Variants in BCAR3 observed in about 807,000 individuals in gnomAD.
BCAR3 encodes BCAR3 adaptor protein, NSP family member, also known as breast cancer anti-estrogen resistance protein 3.
In BCAR3, 37 loss-of-function variants were observed where a neutral mutation model predicts 80.1. That is an observed-to-expected ratio of 0.46 (90% confidence interval 0.36 to 0.61). The LOEUF (loss-of-function observed/expected upper bound fraction) is 0.61, where lower values mean the gene tolerates loss of function less well. Among genes scored for constraint, BCAR3 ranks in the 20% least tolerant of loss-of-function variants. The probability of loss-of-function intolerance (pLI) is 0.00; values close to 1 mark genes in which losing one functional copy is unlikely to be tolerated. For synonymous variants in BCAR3, 389 were observed against 418.9 expected (o/e 0.93, Z 0.87); for missense variants, 978 against 1,068.2 (o/e 0.92, Z 1.18).
At chr1:93,781,617 G>A (rs1557686571) in intron 2 of BCAR3, among the ~76,000 whole-genome samples, 1 of 152,140 alleles carries the variant, frequency 6.6e-6, no homozygotes, top group South Asian at 2.1e-4. Context: ...ACCTGCCTGA[G>A]GTCGCACAAC....
chr1:93,825,132 G>C (rs1319903291), intron 2 of BCAR3, among the ~76,000 whole-genome samples: 1 of 134,158 alleles, frequency 7.5e-6, no homozygotes, highest in Non-Finnish European at 1.7e-5. Context: ...CCAAGGTCAA[G>C]TTCAGGAGGC....
intron 2 of BCAR3, among the ~76,000 whole-genome samples, chr1:93,836,225 A>G (rs765842945): frequency 2.9e-4 from 44 of 152,122 alleles, no homozygotes; most frequent in Non-Finnish European, 4.9e-4. Context: ...CCCCAGTCTC[A>G]TTTCAGACAT....
At chr1:93,569,623 G>A (rs746211959) in intron 9 of BCAR3, among the ~76,000 whole-genome samples, 21 of 152,228 alleles carry the variant, frequency 1.4e-4, no homozygotes, top group Non-Finnish European at 2.2e-4. Flanking sequence ...ATGGTGACAC[G>A]CAAAGTAATG....
At chr1:93,583,739 G>C (rs1673822776) in intron 6 of BCAR3, among the ~76,000 whole-genome samples, 1 of 152,110 alleles carries the variant, frequency 6.6e-6, no homozygotes, top group Admixed American at 6.5e-5. Flanking sequence ...GGTGATTCTG[G>C]ACAAGTTACT....
chr1:93,749,948 T>C (rs1557675382), intron 2 of BCAR3, among the ~76,000 whole-genome samples: 1 of 151,786 alleles, frequency 6.6e-6, no homozygotes, highest in Non-Finnish European at 1.5e-5. Flanking sequence ...TAAAGATATA[T>C]GATAAATGGG....
chr1:93,782,039 G>A (rs1436666657), intron 2 of BCAR3, among the ~76,000 whole-genome samples: 1 of 152,206 alleles, frequency 6.6e-6, no homozygotes, highest in Non-Finnish European at 1.5e-5. Flanking sequence ...TCAATGTGAA[G>A]TCTAAAGGAT....
intron 2 of BCAR3, among the ~76,000 whole-genome samples, chr1:93,772,068 A>G (rs969831407): frequency 1.3e-5 from 2 of 152,196 alleles, no homozygotes; most frequent in African/African-American, 4.8e-5. Flanking sequence ...CAAGTGAAAT[A>G]TGATTTGTTC....
intron 2 of BCAR3, among the ~76,000 whole-genome samples, chr1:93,663,342 C>G (rs1158047763): frequency 6.6e-6 from 1 of 152,168 alleles, no homozygotes; most frequent in Non-Finnish European, 1.5e-5. Context: ...GTTGCATGAC[C>G]CGACCTTCCC....
chr1:93,739,328 T>C (rs1352144792), intron 2 of BCAR3, among the ~76,000 whole-genome samples: 1 of 152,120 alleles, frequency 6.6e-6, no homozygotes, highest in African/African-American at 2.4e-5. Flanking sequence ...AAGTAGTGAT[T>C]AGAATCAGTT....
At position 93,582,454 on chromosome 1, in the gene BCAR3, A is replaced by G. The variant is rs1399041553; in HGVS notation, c.1533T>C (p.Thr511=). ...ACTCGTTGGGCCTGAAGGAGGAGAC[A>G]GTCTCCAGGAGGGGCGTCACAAACT... ...KGEFVTPLLE[T]VSSFRPNEFE... Residue 511 remains threonine, a synonymous_variant, in exon 7 of 12, where the codon ACT becomes ACC. Coordinates refer to ENST00000260502, the MANE Select transcript of BCAR3 (RefSeq NM_003567.4). The G allele has an allele frequency of 1.2e-6, 2 of 1,614,198 alleles. No homozygotes were observed. Among genetic ancestry groups the G allele is most frequent in the South Asian group, 1.1e-5 (1 of 91,088 alleles).
intron 2 of BCAR3, among the ~76,000 whole-genome samples, chr1:93,754,843 C>T (rs928210460): frequency 1.3e-5 from 2 of 152,064 alleles, no homozygotes; most frequent in Non-Finnish European, 2.9e-5. Flanking sequence ...GAGTGTACCC[C>T]TACTAAAAAA....
intron 3 of BCAR3, among the ~76,000 whole-genome samples, chr1:93,700,420 G>A (rs185626447): frequency 8.7e-4 from 133 of 152,272 alleles, no homozygotes; most frequent in Non-Finnish European, 1.1e-3. Flanking sequence ...GCCTGCCTCA[G>A]CCTTTCAAAG....
chr1:93,574,724 G>A (rs1238395769), intron 8 of BCAR3, among the ~76,000 whole-genome samples: 3 of 152,202 alleles, frequency 2.0e-5, no homozygotes, highest in South Asian at 4.1e-4. Flanking sequence ...TAGTGGAGCC[G>A]GGAGGTCAGG....
intron 3 of BCAR3, among the ~76,000 whole-genome samples, chr1:93,623,201 G>A (rs949128344): frequency 7.2e-5 from 11 of 151,776 alleles, no homozygotes; most frequent in East Asian, 1.9e-4. Flanking sequence ...CTTTTTTTTC[G>A]CAAAACTTAG....
intron 5 of BCAR3, 106 bp from the exon 6 acceptor site, chr1:93,584,227 C>A: frequency 1.0e-6 from 1 of 978,520 alleles, no homozygotes; most frequent in Non-Finnish European, 1.5e-6. Flanking sequence ...AAGAAAACTG[C>A]TCAGAACGAG....
At chr1:93,835,875 G>A (rs533522257) in intron 2 of BCAR3, among the ~76,000 whole-genome samples, 178 of 152,274 alleles carry the variant, frequency 1.2e-3, no homozygotes, top group Non-Finnish European at 1.7e-3. Context: ...GAAGGCCACC[G>A]CGGTCATTTC....
At chr1:93,686,786 G>A (rs376223512), upstream of BCAR3, among the ~76,000 whole-genome samples, 113 of 152,258 alleles carry the variant, frequency 7.4e-4, 1 homozygote, top group African/African-American at 2.6e-3. Flanking sequence ...TTTTAGAAAC[G>A]CTGAGCATTT....
At chr1:93,749,354 CGAGGTGGGCGGATCAT>C (rs1195266264) in intron 2 of BCAR3, among the ~76,000 whole-genome samples, 2 of 151,830 alleles carry the variant, frequency 1.3e-5, no homozygotes, top group Non-Finnish European at 2.9e-5. Flanking sequence ...TTTGGGAGGC[CGAGGTGGGCGGATCAT>C]GAGGTCACGA....
chr1:93,766,170 C>T (rs17110408), intron 2 of BCAR3, among the ~76,000 whole-genome samples: 27,272 of 152,092 alleles, frequency 0.18, 3,526 homozygotes, highest in African/African-American at 0.36. Flanking sequence ...AGTACCAGGT[C>T]ACAGAGATGT....
Sources: gnomAD v4.1 joint callset for allele counts (sites outside exome capture counted in the v4.1 genomes callset) on GRCh38, gnomAD v4.1.1 for gene constraint, MANE v1.5 for transcripts, NCBI Gene and HGNC (gene_info 2026-07-23, HGNC 2026-07-21) for gene names.